The following DPY19L4 variants were observed in gnomAD, a reference collection of about 807,000 sequenced individuals.
DPY19L4 encodes the protein probable C-mannosyltransferase DPY19L4.
Under a neutral mutation model 102.8 loss-of-function variants are expected in DPY19L4, and 97 were observed. That is an observed-to-expected ratio of 0.94 (90% CI 0.80 to 1.12). DPY19L4 has a LOEUF of 1.12. Ranked by LOEUF, DPY19L4 falls within the 50% of genes most tolerant of loss-of-function variation. The pLI is 0.00. For missense variants in DPY19L4, 815 were observed against 850.4 expected (o/e 0.96, Z 0.52); for synonymous variants, 252 against 283.1 (o/e 0.89, Z 1.10).
At chr8:94,734,183 C>G (rs974862414) in intron 2 of DPY19L4, among the ~76,000 whole-genome samples, 1 of 151,634 alleles carries the variant, frequency 6.6e-6, no homozygotes, top group South Asian at 2.1e-4. Context: ...CTCAGCCTCC[C>G]GAGTAGCTGG....
rs1261561359 is a variant in DPY19L4, at chr8:94,751,118, C to CTTTCT, written c.612-4915_612-4914insCTTTT. Among the ~76,000 whole-genome samples, 317 of 116,964 alleles carry CTTTCT rather than the reference C, an allele frequency of 2.7e-3. 4 individuals are homozygous for CTTTCT. Among genetic ancestry groups the CTTTCT allele is most frequent in the Middle Eastern group, 0.02 (4 of 196 alleles). The allele number at this position is 116,964 out of a possible 152,430, so 76.7% of individuals were successfully genotyped here. ...TTTCTAATACCTCCCTCTTTTCTTT[C>CTTTCT]TTTTCTTTTTTTTTTTTTGAGACAG... On this transcript the variant is annotated intron_variant, in intron 6 of 18. Transcript: ENST00000414645.
intron 6 of DPY19L4, among the ~76,000 whole-genome samples, chr8:94,743,558 C>A (rs1811540258): frequency 6.6e-6 from 1 of 150,824 alleles, no homozygotes; most frequent in African/African-American, 2.4e-5. Context: ...GCAGGAGGAT[C>A]ACTTAAGCCT....
chr8:94,756,807 C>A (rs970825184), intron 7 of DPY19L4, among the ~76,000 whole-genome samples: 3 of 151,882 alleles, frequency 2.0e-5, no homozygotes, highest in Non-Finnish European at 4.4e-5. Flanking sequence ...GCGGACCCAC[C>A]TGAGGTCAGG....
chr8:94,764,434 G>A (rs1474222513), intron 8 of DPY19L4, among the ~76,000 whole-genome samples: 3 of 151,378 alleles, frequency 2.0e-5, no homozygotes, highest in Non-Finnish European at 4.4e-5. Flanking sequence ...AAAATTAGCC[G>A]GGCGTGGTGG....
chr8:94,770,414 A>G, intron 12 of DPY19L4, 38 bp from the exon 13 acceptor site: 2 of 1,563,474 alleles, frequency 1.3e-6, no homozygotes, highest in Non-Finnish European at 1.7e-6. Context: ...TTACAAATAC[A>G]TTTTCAAAGT....
intron 3 of DPY19L4, 39 bp from the exon 4 acceptor site, chr8:94,738,330 A>G (rs1811281648): frequency 7.7e-7 from 1 of 1,293,672 alleles, no homozygotes; most frequent in Non-Finnish European, 1.0e-6. Context: ...AAAAAAAAAA[A>G]AAAATTAAAT....
At chr8:94,786,149 T>G (rs1813640307) in intron 17 of DPY19L4, among the ~76,000 whole-genome samples, 1 of 152,148 alleles carries the variant, frequency 6.6e-6, no homozygotes, top group Non-Finnish European at 1.5e-5. Flanking sequence ...TTGTTGTTGT[T>G]GTTGTTGACG....
chr8:94,778,275 T>C (rs1170717614), intron 14 of DPY19L4, among the ~76,000 whole-genome samples: 1 of 152,118 alleles, frequency 6.6e-6, no homozygotes, highest in Non-Finnish European at 1.5e-5. Flanking sequence ...TGCATTTTAA[T>C]GCATACAACT....
At chr8:94,728,850 A>C (rs1810806693) in intron 2 of DPY19L4, among the ~76,000 whole-genome samples, 1 of 152,188 alleles carries the variant, frequency 6.6e-6, no homozygotes, top group Non-Finnish European at 1.5e-5. Flanking sequence ...AAGAAAATAG[A>C]GAATCCCAAA....
intron 13 of DPY19L4, 47 bp from the exon 14 acceptor site, chr8:94,777,619 T>C (rs1340576125): frequency 1.9e-6 from 3 of 1,567,870 alleles, no homozygotes; most frequent in Non-Finnish European, 2.6e-6. Flanking sequence ...TAGATAATAA[T>C]GATGTTCACA....
intron 17 of DPY19L4, among the ~76,000 whole-genome samples, chr8:94,787,368 A>T (rs144130299): frequency 6.6e-6 from 1 of 152,114 alleles, no homozygotes; most frequent in Admixed American, 6.5e-5. Context: ...TGTGCCACAG[A>T]ATGTTGAAGG....
chr8:94,750,047 G>C (rs1811850245), intron 6 of DPY19L4, among the ~76,000 whole-genome samples: 1 of 152,042 alleles, frequency 6.6e-6, no homozygotes, highest in Admixed American at 6.6e-5. Context: ...CCTCTCCCTA[G>C]TGGGTTCAAG....
rs1160463155 is a variant in DPY19L4, at chr8:94,766,634, A to T, written c.1124A>T (p.Asn375Ile). Residue 375 changes from asparagine to isoleucine, a missense_variant, in exon 11 of 19, where the codon AAT becomes ATT. Transcript: ENST00000414645. ...TAGATGTTTGTCCCACACAAAGAAA[A>T]TGGGCACATGCTGAAATTCCTTGAA... ...IMKMFVPHKENGHMLKFLEVK... is the reference protein window; with the variant it reads ...IMKMFVPHKEIGHMLKFLEVK... 6.2e-7 allele frequency: 1 copy of T among 1,613,978 alleles called. No homozygotes were observed.
At chr8:94,756,181 T>G (rs1563594303) in intron 7 of DPY19L4, 22 bp downstream of exon 7, 3 of 1,606,354 alleles carry the variant, frequency 1.9e-6, no homozygotes, top group Non-Finnish European at 2.5e-6. Flanking sequence ...ATCTGTTTTA[T>G]CTGTTGCAGC....
At chr8:94,786,673 G>A (rs1352942811) in intron 17 of DPY19L4, among the ~76,000 whole-genome samples, 2 of 151,904 alleles carry the variant, frequency 1.3e-5, no homozygotes, top group Admixed American at 6.6e-5. Flanking sequence ...TCAGACTCCC[G>A]AGTAGCTGGG....
At chr8:94,742,559 AT>A (rs34777022) in intron 6 of DPY19L4, among the ~76,000 whole-genome samples, 4,660 of 115,356 alleles carry the variant, frequency 0.04, 71 homozygotes, top group Non-Finnish European at 0.047. Flanking sequence ...TGCCTGGCTA[AT>A]TTTTTTTTTT....
At chr8:94,724,874 C>T (rs1459683451) in intron 1 of DPY19L4, among the ~76,000 whole-genome samples, 1 of 152,220 alleles carries the variant, frequency 6.6e-6, no homozygotes, top group Non-Finnish European at 1.5e-5. Flanking sequence ...AGGTGTGAGC[C>T]ACCATACCCG....
At chr8:94,789,604 A>T in intron 18 of DPY19L4, 142 bp from the exon 19 acceptor site, 1 of 709,578 alleles carries the variant, frequency 1.4e-6, no homozygotes, top group Non-Finnish European at 2.2e-6. Flanking sequence ...GAAGGCTTCT[A>T]TTTGCTAACA....
intron 17 of DPY19L4, among the ~76,000 whole-genome samples, chr8:94,787,294 C>A (rs914856795): frequency 1.3e-5 from 2 of 152,090 alleles, no homozygotes; most frequent in East Asian, 3.9e-4. Context: ...GAACCATTCC[C>A]ACTGAAACGT....
Sources: allele counts gnomAD v4.1 joint callset (sites outside exome capture counted in the v4.1 genomes callset), GRCh38; gene constraint gnomAD v4.1.1; transcripts MANE v1.5; gene names NCBI Gene and HGNC (gene_info 2026-07-23, HGNC 2026-07-21).